HARBI1: variants seen among roughly 807,000 people sequenced by gnomAD.
HARBI1 encodes harbinger transposase derived 1.
A neutral mutation model predicts 25.3 loss-of-function variants in HARBI1; 15 were observed. The ratio of observed to expected loss-of-function variants is 0.59; its 90% CI spans 0.40 to 0.91. The LOEUF is 0.91. Among genes scored for constraint, HARBI1 ranks in the 40% least tolerant of loss-of-function variants. HARBI1 has a pLI of 0.00. For missense variants in HARBI1, 396 were observed against 445.8 expected (o/e 0.89, Z 1.01); for synonymous variants, 168 against 160.5 (o/e 1.05, Z -0.35).
chr11:46,616,384 G>A lies in HARBI1; in HGVS notation c.-144-3C>T, dbSNP rs2045466693. The A allele has an allele frequency of 4.9e-6, 7 of 1,433,242 alleles. No individual in the cohort carries two copies. The South Asian group carries it at 9.2e-5, about 19-fold the overall frequency. The allele number at this position is 1,433,242 out of a possible 1,614,324, so 88.8% of individuals were successfully genotyped here. On this transcript the variant is annotated splice_region_variant and splice_polypyrimidine_tract_variant and intron_variant, in intron 1 of 2. Transcript: ENST00000326737. ...CTCTGCCATTTATAATCTTCTCTCT[G>A]TAAATGTTAAAAGAAAAAACATTAG...
intron 2 of HARBI1, among the ~76,000 whole-genome samples, chr11:46,611,173 T>A (rs1331971513): frequency 3.3e-5 from 5 of 151,582 alleles, no homozygotes; most frequent in Non-Finnish European, 7.4e-5. Context: ...ACGCCTGGCT[T>A]ATGTTTTGTA....
chr11:46,609,888 T>C (rs1009098616), intron 2 of HARBI1, among the ~76,000 whole-genome samples: 9 of 148,272 alleles, frequency 6.1e-5, no homozygotes, highest in African/African-American at 2.0e-4. Context: ...AGTCTCACTC[T>C]GTTGCCCAGG....
intron 1 of HARBI1, chr11:46,616,903 G>C (rs960123345): frequency 1.0e-6 from 1 of 976,138 alleles, no homozygotes; most frequent in African/African-American, 1.9e-5. Context: ...CGTACACTGT[G>C]TGCTGTAACA....
intron 2 of HARBI1, among the ~76,000 whole-genome samples, chr11:46,605,455 C>T (rs190771000): frequency 4.4e-4 from 67 of 152,126 alleles, no homozygotes; most frequent in African/African-American, 1.4e-3. Context: ...CCACCCACCT[C>T]GACCTCCCAA....
chr11:46,610,282 T>G (rs2045123948), intron 2 of HARBI1, among the ~76,000 whole-genome samples: 2 of 151,780 alleles, frequency 1.3e-5, no homozygotes, highest in Admixed American at 6.6e-5. Flanking sequence ...ATCATGCCAG[T>G]GCACTCCAGC....
At chr11:46,612,056 G>T (rs1396733871) in intron 2 of HARBI1, among the ~76,000 whole-genome samples, 4 of 152,134 alleles carry the variant, frequency 2.6e-5, no homozygotes, top group Non-Finnish European at 5.9e-5. Flanking sequence ...TGGAACACAG[G>T]AGGTTTCTCT....
chr11:46,607,990 G>C (rs1242574823), intron 2 of HARBI1, among the ~76,000 whole-genome samples: 2 of 151,316 alleles, frequency 1.3e-5, no homozygotes, highest in African/African-American at 2.4e-5. Flanking sequence ...TCAAACCTAA[G>C]GGTTGTTTCT....
intron 2 of HARBI1, among the ~76,000 whole-genome samples, chr11:46,614,216 T>C (rs1025435156): frequency 2.0e-5 from 3 of 150,970 alleles, no homozygotes; most frequent in Admixed American, 6.6e-5. Flanking sequence ...TCAACTGAGG[T>C]TGGGAGTTCG....
Position 46,616,198 on chromosome 11 carries a change from G to A in HARBI1, c.40C>T (p.Leu14=). The change falls in exon 2 of 3, where the codon CTA becomes TTA. Residue 14 remains leucine, a synonymous_variant. Coordinates refer to ENST00000326737, the MANE Select transcript of HARBI1 (RefSeq NM_173811.4). ...PITVLDCDLL[L]YGRGHRTLDR... Reference sequence around the variant, plus strand: ...AATGTCCGGTGACCACGGCCATATAGCAAGAGGTCACAGTCAAGCACTGTT... The same window carrying A: ...AATGTCCGGTGACCACGGCCATATAACAAGAGGTCACAGTCAAGCACTGTT... 3 of 1,612,396 alleles carry A rather than the reference G, an allele frequency of 1.9e-6. No homozygotes were observed. Among genetic ancestry groups the A allele is most frequent in the Non-Finnish European group, 2.5e-6 (3 of 1,180,020 alleles).
rs548485162 is a variant in HARBI1 at position 46,604,384 on chromosome 11, G to A, written c.671-475C>T. ...CACGCCATTGCACTCCAACCTGGGCGACAAGCGCGAAACTCCATCTCAAAT... is the reference window on the plus strand; with the variant it reads ...CACGCCATTGCACTCCAACCTGGGCAACAAGCGCGAAACTCCATCTCAAAT... On this transcript the variant is annotated intron_variant, in intron 2 of 2. Coordinates refer to ENST00000326737, the MANE Select transcript of HARBI1 (RefSeq NM_173811.4). 4.7e-6 allele frequency: 4 copies of A among 854,458 alleles called. No individual in the cohort carries two copies. The South Asian group carries it at 1.6e-4, about 34-fold the overall frequency. The allele number at this position is 854,458 out of a possible 1,614,324, so 52.9% of individuals were successfully genotyped here. A position where few individuals can be genotyped will look rare whatever the true frequency, so the allele number is the denominator to read the frequency against.
At chr11:46,608,211 T>C (rs906246324) in intron 2 of HARBI1, among the ~76,000 whole-genome samples, 1 of 152,020 alleles carries the variant, frequency 6.6e-6, no homozygotes, top group Non-Finnish European at 1.5e-5. Flanking sequence ...GGCAGGAGAA[T>C]TGCTTGAACC....
chr11:46,613,293 A>G (rs1043364033), intron 2 of HARBI1, among the ~76,000 whole-genome samples: 3 of 152,026 alleles, frequency 2.0e-5, no homozygotes, highest in Admixed American at 6.6e-5. Flanking sequence ...CCACATTTGA[A>G]TATCTATACA....
intron 2 of HARBI1, among the ~76,000 whole-genome samples, chr11:46,609,607 G>A (rs1172616095): frequency 1.6e-5 from 1 of 64,508 alleles, no homozygotes; most frequent in African/African-American, 3.3e-4. Flanking sequence ...GAGCCACCAC[G>A]CCCGGCCTGA....
chr11:46,606,596 G>A (rs1170547803), intron 2 of HARBI1, among the ~76,000 whole-genome samples: 1 of 152,134 alleles, frequency 6.6e-6, no homozygotes, highest in Non-Finnish European at 1.5e-5. Flanking sequence ...TTACAATCGT[G>A]AGCCACCATG....
At chr11:46,616,753 CAA>C in intron 1 of HARBI1, 4 of 967,214 alleles carry the variant, frequency 4.1e-6, no homozygotes, top group Non-Finnish European at 4.8e-6. Flanking sequence ...TTTCATTATC[CAA>C]AGACTTCTGG....
In HARBI1 at chr11:46,614,444, A is replaced by AT. The variant is rs893565487; in HGVS notation, c.670+1123dup. On this transcript the variant is annotated intron_variant, in intron 2 of 2. Coordinates refer to ENST00000326737, the MANE Select transcript of HARBI1 (RefSeq NM_173811.4). ...TGTCTCAATAATAATAATAATAATA[A>AT]TTTTTTTTTACGTTGGTGTGGTGGC... 9.3e-5 allele frequency among the ~76,000 whole-genome samples: 14 copies of AT among 150,894 alleles called. No homozygotes were observed. In the East Asian group the frequency reaches 2.1e-3, roughly 23 times the overall value.
upstream of HARBI1, chr11:46,617,721 G>T (rs1295762444): frequency 7.5e-6 from 3 of 397,832 alleles, no homozygotes; most frequent in Non-Finnish European, 8.9e-6. Context: ...AAAACGTCTG[G>T]GGCCTGCGAG....
chr11:46,604,817 A>G (rs2044874962), intron 2 of HARBI1: 1 of 458,192 alleles, frequency 2.2e-6, no homozygotes, highest in South Asian at 9.3e-5. Flanking sequence ...ACATATAATC[A>G]TGCAAATAGT....
rs76150172 is a variant in HARBI1, at chr11:46,610,842, G to C, written c.670+4726C>G. On this transcript the variant is annotated intron_variant, in intron 2 of 2. Transcript: ENST00000326737. ...AAAGCCATAATTCCAACTGAATCTTGGATCCCAAGGTGGGAAGAAAAAGAA... is the reference window on the plus strand; with the variant it reads ...AAAGCCATAATTCCAACTGAATCTTCGATCCCAAGGTGGGAAGAAAAAGAA... Among the ~76,000 whole-genome samples, 52 of 152,020 alleles carry C rather than the reference G, an allele frequency of 3.4e-4. No individual in the cohort carries two copies. The East Asian group carries it at 9.1e-3, about 27-fold the overall frequency.
Sources: allele counts gnomAD v4.1 joint callset (sites outside exome capture counted in the v4.1 genomes callset), GRCh38; gene constraint gnomAD v4.1.1; transcripts MANE v1.5; gene names NCBI Gene and HGNC (gene_info 2026-07-23, HGNC 2026-07-21).